FNTA: variants seen among roughly 807,000 people sequenced by gnomAD.
FNTA encodes protein farnesyltransferase/geranylgeranyltransferase type-1 subunit alpha.
In FNTA, 27 loss-of-function variants were observed where a neutral mutation model predicts 55.2. The ratio of observed to expected loss-of-function variants is 0.49; its 90% CI spans 0.36 to 0.67. The LOEUF is 0.67. Ranked by LOEUF, FNTA falls within the 30% of genes least tolerant of loss-of-function variation. The probability of loss-of-function intolerance (pLI) is 0.00; values close to 1 mark genes in which losing one functional copy is unlikely to be tolerated. For synonymous variants in FNTA, 176 were observed against 170.7 expected (o/e 1.03, Z -0.24); for missense variants, 422 against 464.7 (o/e 0.91, Z 0.85).
At chr8:43,076,339 C>T (rs1288949611) in intron 5 of FNTA, among the ~76,000 whole-genome samples, 3 of 151,876 alleles carry the variant, frequency 2.0e-5, no homozygotes, top group Non-Finnish European at 2.9e-5. Flanking sequence ...CCACCGTGCC[C>T]GGACTGTCTT....
At chr8:43,077,153 A>G (rs1351771482) in intron 5 of FNTA, 63 bp from the exon 6 acceptor site, 4 of 1,205,384 alleles carry the variant, frequency 3.3e-6, no homozygotes, top group Non-Finnish European at 4.6e-6. Flanking sequence ...GTTTTAATTT[A>G]TTTTTTATTC....
intron 1 of FNTA, 38 bp downstream of exon 1, chr8:43,056,584 C>T (rs753208286): frequency 2.3e-5 from 29 of 1,265,548 alleles, no homozygotes; most frequent in Non-Finnish European, 2.6e-5. Flanking sequence ...GGGACACTCC[C>T]TGGAGGCCCA....
intron 1 of FNTA, among the ~76,000 whole-genome samples, chr8:43,058,258 A>G (rs1162172148): frequency 6.6e-6 from 1 of 152,188 alleles, no homozygotes; most frequent in Non-Finnish European, 1.5e-5. Context: ...AAGGTCACAC[A>G]GCTATTAAGT....
intron 6 of FNTA, chr8:43,080,599 T>C (rs1811002786): frequency 6.6e-6 from 1 of 152,250 alleles, no homozygotes; most frequent in Non-Finnish European, 1.5e-5. Context: ...AAGGTATTCC[T>C]GTATTGTTCA....
intron 3 of FNTA, among the ~76,000 whole-genome samples, chr8:43,067,411 T>C (rs1325627997): frequency 1.3e-5 from 2 of 152,236 alleles, no homozygotes; most frequent in Non-Finnish European, 2.9e-5. Context: ...TTTGTTCTTG[T>C]GGGTTTATTC....
intron 7 of FNTA, 48 bp from the exon 8 acceptor site, chr8:43,084,659 TTTG>T (rs1811090521): frequency 6.9e-7 from 1 of 1,448,670 alleles, no homozygotes; most frequent in Non-Finnish European, 9.4e-7. Flanking sequence ...TTCTACTGCT[TTTG>T]TTCTTCCTTC....
At chr8:43,076,081 TC>T (rs1467510417) in intron 5 of FNTA, among the ~76,000 whole-genome samples, 1 of 151,762 alleles carries the variant, frequency 6.6e-6, no homozygotes, top group Non-Finnish European at 1.5e-5. Flanking sequence ...CCTTGCTCTG[TC>T]CCCCAGGCTT....
chr8:43,056,621 T>G, intron 1 of FNTA, 75 bp downstream of exon 1: 7 of 989,662 alleles, frequency 7.1e-6, no homozygotes, highest in Non-Finnish European at 9.1e-6. Context: ...CGGCGCGCGC[T>G]TCCGGCCCCG....
intron 6 of FNTA, chr8:43,082,348 T>G (rs976522704): frequency 1.3e-5 from 2 of 152,248 alleles, no homozygotes; most frequent in Non-Finnish European, 2.9e-5. Flanking sequence ...TTTTTCATTT[T>G]TATTCTTTGC....
chr8:43,073,720 A>G (rs913307619), intron 5 of FNTA: 1 of 152,014 alleles, frequency 6.6e-6, no homozygotes, highest in Non-Finnish European at 1.5e-5. Flanking sequence ...TGTGCCCCCT[A>G]GGGGACATTT....
intron 2 of FNTA, among the ~76,000 whole-genome samples, chr8:43,062,988 ACC>A (rs1452369742): frequency 1.3e-5 from 2 of 151,564 alleles, no homozygotes; most frequent in Non-Finnish European, 2.9e-5. Flanking sequence ...TCACTATGTT[ACC>A]CAGCGTGGTC....
intron 5 of FNTA, 195 bp from the exon 6 acceptor site, chr8:43,077,021 C>G (rs1810927933): frequency 2.4e-6 from 1 of 422,182 alleles, no homozygotes; most frequent in South Asian, 5.9e-5. Flanking sequence ...CTGTATGTGT[C>G]TTTCCAGGCT....
At chr8:43,079,410 C>T (rs1371621047) in intron 6 of FNTA, 2 of 154,614 alleles carry the variant, frequency 1.3e-5, no homozygotes, top group African/African-American at 4.8e-5. Context: ...AAGAATTATG[C>T]TGAATCTCCT....
chr8:43,070,858 T>G (rs1394994616), intron 4 of FNTA, among the ~76,000 whole-genome samples: 1 of 152,218 alleles, frequency 6.6e-6, no homozygotes, highest in Admixed American at 6.5e-5. Context: ...CAGCATGAAC[T>G]TTTTCTTCCT....
chr8:43,069,673 C>G lies in FNTA; in HGVS notation c.506+14C>G, dbSNP rs1436694753. The G allele has an allele frequency of 6.6e-7, 1 of 1,526,112 alleles. No individual in the cohort carries two copies. The highest frequency in any genetic ancestry group is 1.1e-5 in the South Asian group (1 of 89,064). The allele number at this position is 1,526,112 out of a possible 1,614,324, so 94.5% of individuals were successfully genotyped here. A position where few individuals can be genotyped will look rare whatever the true frequency, so the allele number is the denominator to read the frequency against. ...CTATCAAGTTTGGTAAGTTTGGAGT[C>G]TAGCTGTGTCTCCCAGGCTGGAGTG... On this transcript the variant is annotated intron_variant, in intron 4 of 8. Transcript: ENST00000302279.
At position 43,064,203 on chromosome 8, in the gene FNTA, A is replaced by G. The variant is rs768087218; in HGVS notation, c.389A>G (p.Asn130Ser). 10 of 1,603,736 alleles carry G rather than the reference A, an allele frequency of 6.2e-6. No individual in the cohort carries two copies. Among genetic ancestry groups the G allele is most frequent in the South Asian group, 2.2e-5 (2 of 90,882 alleles). The change falls in exon 3 of 9, where the codon AAT (asparagine) becomes AGT (serine). Residue 130 changes from asparagine (N) to serine (S), a missense_variant. By Grantham distance (46) the Asn-to-Ser change is conservative. Transcript: ENST00000302279. ...TRDAIELNAA[N>S]YTVWHFRRVL... ...GATGCTATTGAGTTAAATGCAGCCAATTATACAGTGTGGTAAGTAATACAC... is the reference window on the plus strand; with the variant it reads ...GATGCTATTGAGTTAAATGCAGCCAGTTATACAGTGTGGTAAGTAATACAC...
chr8:43,085,357 GTCCT>G lies in FNTA; in HGVS notation c.*79_*82del, dbSNP rs1811105992. 3.5e-6 allele frequency: 5 copies of G among 1,412,548 alleles called. No homozygotes were observed. The African/African-American group carries it at 7.3e-5, about 21-fold the overall frequency. 87.5% of individuals were successfully genotyped at this position (1,412,548 alleles called of 1,614,324 possible). A position where few individuals can be genotyped will look rare whatever the true frequency, so the allele number is the denominator to read the frequency against. On this transcript the variant is annotated 3_prime_UTR_variant, in exon 9 of 9. Coordinates refer to ENST00000302279, the MANE Select transcript of FNTA (RefSeq NM_002027.3). ...CCTGCAGGAGTTTCACACGAGAGTG[GTCCT>G]TCCCTTTGCCTGTGGTGTAAAAGTG...
At chr8:43,057,525 C>T (rs1366591548) in intron 1 of FNTA, among the ~76,000 whole-genome samples, 1 of 152,154 alleles carries the variant, frequency 6.6e-6, no homozygotes, top group Non-Finnish European at 1.5e-5. Flanking sequence ...CCAGGCCACT[C>T]CCCCAGGCTC....
At chr8:43,065,870 C>T (rs888325279) in intron 3 of FNTA, among the ~76,000 whole-genome samples, 1 of 151,456 alleles carries the variant, frequency 6.6e-6, no homozygotes, top group East Asian at 1.9e-4. Flanking sequence ...AATTAAAAAT[C>T]ATTAGTCTCC....
Sources: gnomAD v4.1 joint callset for allele counts (sites outside exome capture counted in the v4.1 genomes callset) on GRCh38, gnomAD v4.1.1 for gene constraint, MANE v1.5 for transcripts, NCBI Gene and HGNC (gene_info 2026-07-23, HGNC 2026-07-21) for gene names.